BORCS5: variants seen among roughly 807,000 people sequenced by gnomAD.
The protein encoded by BORCS5 is BLOC-1 related complex subunit 5.
In BORCS5, 17 loss-of-function variants were observed where a neutral mutation model predicts 22.1. The ratio of observed to expected loss-of-function variants is 0.77; its 90% confidence interval spans 0.53 to 1.15. The LOEUF (loss-of-function observed/expected upper bound fraction) is 1.15, where lower values mean the gene tolerates loss of function less well. Ranked by LOEUF, BORCS5 falls within the 50% of genes most tolerant of loss-of-function variation. BORCS5 has a pLI of 0.00. For synonymous variants in BORCS5, 117 were observed against 99.8 expected (o/e 1.17, Z -1.03); for missense variants, 247 against 253.2 (o/e 0.98, Z 0.17).
At chr12:12,396,285 T>C (rs944464429) in intron 2 of BORCS5, among the ~76,000 whole-genome samples, 2 of 152,214 alleles carry the variant, frequency 1.3e-5, no homozygotes, top group South Asian at 4.1e-4. Context: ...CCGTGCCCAG[T>C]GGGAGATTAA....
intron 3 of BORCS5, among the ~76,000 whole-genome samples, chr12:12,438,485 G>T (rs966363753): frequency 2.0e-5 from 3 of 152,132 alleles, no homozygotes; most frequent in Non-Finnish European, 4.4e-5. Context: ...GAGAGCTGGG[G>T]AAAGTGTTTT....
intron 2 of BORCS5, among the ~76,000 whole-genome samples, chr12:12,382,656 C>T (rs143968436): frequency 1.6e-4 from 24 of 150,800 alleles, no homozygotes; most frequent in Middle Eastern, 3.4e-3. Flanking sequence ...CCTCAGCCTC[C>T]CAAGTAGCTG....
chr12:12,429,899 T>G (rs1008435675), intron 2 of BORCS5, among the ~76,000 whole-genome samples: 1 of 152,110 alleles, frequency 6.6e-6, no homozygotes, highest in Non-Finnish European at 1.5e-5. Context: ...AGATTCAGAC[T>G]GAGACAAGGA....
At chr12:12,414,198 A>C (rs1157307115) in intron 2 of BORCS5, among the ~76,000 whole-genome samples, 2 of 65,300 alleles carry the variant, frequency 3.1e-5, no homozygotes, top group Admixed American at 1.4e-4. Flanking sequence ...GCGGCTGGCC[A>C]GGCGGGGGGC....
chr12:12,464,536 C>T (rs1376947952), intron 3 of BORCS5, among the ~76,000 whole-genome samples: 4 of 152,088 alleles, frequency 2.6e-5, no homozygotes, highest in Non-Finnish European at 5.9e-5. Flanking sequence ...CTGGAGGAGC[C>T]TGGGAACCTT....
chr12:12,379,429 TA>T (rs1382301285), intron 2 of BORCS5, among the ~76,000 whole-genome samples: 1 of 151,612 alleles, frequency 6.6e-6, no homozygotes, highest in Non-Finnish European at 1.5e-5. Flanking sequence ...AACTTTTCTT[TA>T]ACTTCTTTTG....
At chr12:12,357,569 G>C in intron 1 of BORCS5, 60 bp downstream of exon 1, 1 of 1,555,630 alleles carries the variant, frequency 6.4e-7, no homozygotes, top group Non-Finnish European at 8.8e-7. Context: ...AGAGCGGGCT[G>C]CCTCCCAGAC....
intron 2 of BORCS5, among the ~76,000 whole-genome samples, chr12:12,398,505 C>T (rs1941400162): frequency 6.6e-6 from 1 of 152,110 alleles, no homozygotes; most frequent in African/African-American, 2.4e-5. Context: ...CATGTCCTCC[C>T]CCACACCCTC....
chr12:12,380,167 A>G (rs1330994903), intron 2 of BORCS5, among the ~76,000 whole-genome samples: 1 of 151,394 alleles, frequency 6.6e-6, no homozygotes, highest in African/African-American at 2.4e-5. Flanking sequence ...TAGTGACATC[A>G]AAGATCACTG....
At chr12:12,440,897 A>G (rs958969086) in intron 3 of BORCS5, among the ~76,000 whole-genome samples, 1 of 151,902 alleles carries the variant, frequency 6.6e-6, no homozygotes. Context: ...ACAGTGAGGT[A>G]GTGGCCAAAA....
intron 2 of BORCS5, among the ~76,000 whole-genome samples, chr12:12,393,496 T>G (rs1459944961): frequency 6.6e-6 from 1 of 151,914 alleles, no homozygotes; most frequent in South Asian, 2.1e-4. Context: ...AATGCAGGAC[T>G]TTACAGGTAC....
chr12:12,387,625 T>G (rs930259299), intron 2 of BORCS5, among the ~76,000 whole-genome samples: 1 of 151,516 alleles, frequency 6.6e-6, no homozygotes, highest in Non-Finnish European at 1.5e-5. Flanking sequence ...TCCAGTGTCT[T>G]TTCTGCATGA....
intron 3 of BORCS5, among the ~76,000 whole-genome samples, chr12:12,437,152 C>A (rs916346412): frequency 1.3e-5 from 2 of 152,174 alleles, no homozygotes; most frequent in Non-Finnish European, 2.9e-5. Flanking sequence ...ATGGGAGGGA[C>A]CCAGTGGGAG....
intron 2 of BORCS5, among the ~76,000 whole-genome samples, chr12:12,421,881 T>A (rs1051931715): frequency 1.3e-5 from 2 of 152,248 alleles, no homozygotes; most frequent in African/African-American, 4.8e-5. Context: ...TGTATTTCTG[T>A]GGGATCGGTG....
chr12:12,435,804 A>G lies in BORCS5; in HGVS notation c.360+19A>G, dbSNP rs762444656. 1 of 1,602,342 alleles carries G rather than the reference A, an allele frequency of 6.2e-7. No individual in the cohort carries two copies. On this transcript the variant is annotated intron_variant, in intron 3 of 3. Coordinates refer to ENST00000314565, the MANE Select transcript of BORCS5 (RefSeq NM_058169.6). Reference sequence around the variant, plus strand: ...CAAAGAGGTAATGTGCTGCGGGAAAATAACATTGCTGACTGGTTGTTGTGA... The same window carrying G: ...CAAAGAGGTAATGTGCTGCGGGAAAGTAACATTGCTGACTGGTTGTTGTGA...
At chr12:12,380,253 A>C (rs1025827897) in intron 2 of BORCS5, among the ~76,000 whole-genome samples, 3 of 150,978 alleles carry the variant, frequency 2.0e-5, no homozygotes, top group Non-Finnish European at 3.0e-5. Flanking sequence ...TGTGACAGAC[A>C]TGAAGTAAGC....
At chr12:12,397,187 C>T (rs1272960642) in intron 2 of BORCS5, among the ~76,000 whole-genome samples, 2 of 152,170 alleles carry the variant, frequency 1.3e-5, no homozygotes, top group South Asian at 4.1e-4. Context: ...CTCCCCAGAA[C>T]AGGCTAGATG....
chr12:12,404,502 CA>C (rs1941549411), intron 2 of BORCS5, among the ~76,000 whole-genome samples: 1 of 152,142 alleles, frequency 6.6e-6, no homozygotes, highest in African/African-American at 2.4e-5. Flanking sequence ...CCCATTTACC[CA>C]GAGAGGAGCC....
rs66487618 is a variant in BORCS5 at position 12,465,875 on chromosome 12, C to T, written c.*99C>T. The T allele has an allele frequency of 0.12, 122,167 of 1,029,400 alleles. 9,683 individuals are homozygous for T. The highest frequency in any genetic ancestry group is 0.35 in the African/African-American group (21,841 of 62,348). The allele number at this position is 1,029,400 out of a possible 1,614,324, so 63.8% of individuals were successfully genotyped here. On this transcript the variant is annotated 3_prime_UTR_variant, in exon 4 of 4. Coordinates refer to ENST00000314565, the MANE Select transcript of BORCS5 (RefSeq NM_058169.6). The stretch of plus-strand genomic sequence containing the variant: ...TCATCTGACCAGGTCTGGAGGCTGG[C>T]GGGAGGCTCCCTGAAAGTGGGTGCG...
Sources: gnomAD v4.1 joint callset for allele counts (sites outside exome capture counted in the v4.1 genomes callset) on GRCh38, gnomAD v4.1.1 for gene constraint, MANE v1.5 for transcripts, NCBI Gene and HGNC (gene_info 2026-07-23, HGNC 2026-07-21) for gene names.